DMXL1: variants seen among roughly 807,000 people sequenced by gnomAD.
DMXL1 encodes the protein dmX-like protein 1.
In DMXL1, 99 loss-of-function variants were observed where a neutral mutation model predicts 319.2. The ratio of observed to expected loss-of-function variants is 0.31; its 90% CI spans 0.26 to 0.37. DMXL1 has a LOEUF of 0.37. DMXL1 is among the 10% of genes least tolerant of loss of function. The probability of loss-of-function intolerance (pLI) is 1.00; values close to 1 mark genes in which losing one functional copy is unlikely to be tolerated. For missense variants in DMXL1, 3,745 were observed against 3,595.6 expected (o/e 1.04, Z -1.06); for synonymous variants, 1,385 against 1,235.2 (o/e 1.12, Z -2.54).
At chr5:119,132,338 T>A (rs1359592914) in intron 10 of DMXL1, among the ~76,000 whole-genome samples, 1 of 152,192 alleles carries the variant, frequency 6.6e-6, no homozygotes, top group Non-Finnish European at 1.5e-5. Flanking sequence ...ATTGATTTTG[T>A]GTTGTTATAA....
intron 1 of DMXL1, among the ~76,000 whole-genome samples, chr5:119,084,990 C>T (rs1456480311): frequency 6.6e-6 from 1 of 151,864 alleles, no homozygotes; most frequent in African/African-American, 2.4e-5. Context: ...TTTCTTTCAT[C>T]AGAGTTTTAT....
chr5:119,217,534 C>T (rs568072109), intron 35 of DMXL1, among the ~76,000 whole-genome samples: 6 of 152,062 alleles, frequency 3.9e-5, no homozygotes, highest in Non-Finnish European at 8.8e-5. Flanking sequence ...AATCATTTTC[C>T]CCTTCTGTCT....
At chr5:119,229,804 C>G (rs546998236) in intron 38 of DMXL1, among the ~76,000 whole-genome samples, 165 of 152,238 alleles carry the variant, frequency 1.1e-3, no homozygotes, top group Non-Finnish European at 2.0e-3. Context: ...GTCACACCAG[C>G]ATTCTATAGA....
intron 36 of DMXL1, 88 bp from the exon 37 acceptor site, chr5:119,220,852 G>T: frequency 2.7e-6 from 4 of 1,461,434 alleles, no homozygotes; most frequent in South Asian, 2.7e-5. Flanking sequence ...ATTTTAAAGG[G>T]AACTATAAAT....
At chr5:119,202,835 A>G (rs1048430923) in intron 32 of DMXL1, among the ~76,000 whole-genome samples, 4 of 147,538 alleles carry the variant, frequency 2.7e-5, no homozygotes, top group Non-Finnish European at 6.0e-5. Context: ...TGGGCCAAAG[A>G]TTGAGATTCC....
chr5:119,122,370 C>T (rs1762342550), intron 9 of DMXL1, among the ~76,000 whole-genome samples: 1 of 149,586 alleles, frequency 6.7e-6, no homozygotes. Context: ...GGGCTCCTCA[C>T]TTCCCAGTAG....
intron 9 of DMXL1, among the ~76,000 whole-genome samples, chr5:119,121,427 G>A (rs933746712): frequency 2.0e-5 from 3 of 151,906 alleles, no homozygotes; most frequent in African/African-American, 7.3e-5. Flanking sequence ...AGGACCCTGC[G>A]GCCTTCCGCT....
In DMXL1 at chr5:119,116,344, G is replaced by T; in HGVS notation, c.743+8G>T. The stretch of plus-strand genomic sequence containing the variant: ...AAGCAAATATATGCCTAGGTCAGTG[G>T]ATTGGTCATTTCCCTCCACATATTA... On this transcript the variant is annotated splice_region_variant and intron_variant, in intron 7 of 43. Transcript: ENST00000539542. The T allele has an allele frequency of 1.9e-6, 3 of 1,610,812 alleles. No homozygotes were observed. Among genetic ancestry groups the T allele is most frequent in the Non-Finnish European group, 2.5e-6 (3 of 1,178,182 alleles).
rs1769350745 is a variant in DMXL1, at chr5:119,149,724, A to G, written c.3897A>G (p.Ala1299=). 6.2e-7 allele frequency: 1 copy of G among 1,614,018 alleles called. No homozygotes were observed. The highest frequency in any genetic ancestry group is 8.5e-7 in the Non-Finnish European group (1 of 1,179,936). Residue 1299 remains alanine (A), a synonymous_variant, in exon 18 of 44, where the codon GCA becomes GCG. Transcript: ENST00000539542. ...LAQKICGKKT[A]FDPSVDMEDS... ...AGAAAATCTGTGGAAAGAAAACTGC[A>G]TTCGATCCTTCAGTGGATATGGAAG...
rs542504896 is a variant in DMXL1, at chr5:119,080,313, C to A, written c.87+8657C>A. On this transcript the variant is annotated intron_variant, in intron 1 of 43. Coordinates refer to ENST00000539542, the MANE Select transcript of DMXL1 (RefSeq NM_001290321.3). ...AGTGAGCCAAGATTGTCTCGCTGCA[C>A]TCCATCCTGGGCGACAGAGCAAGAC... Among the ~76,000 whole-genome samples, 3 of 152,282 alleles carry A rather than the reference C, an allele frequency of 2.0e-5. No individual in the cohort carries two copies. In the South Asian group the frequency reaches 6.2e-4, roughly 32 times the overall value.
At chr5:119,157,658 C>T (rs1312533728) in intron 19 of DMXL1, among the ~76,000 whole-genome samples, 1 of 152,122 alleles carries the variant, frequency 6.6e-6, no homozygotes, top group Non-Finnish European at 1.5e-5. Context: ...TCCGTGCCTT[C>T]TATTCTGTTC....
intron 32 of DMXL1, among the ~76,000 whole-genome samples, chr5:119,202,763 A>C (rs1780938504): frequency 6.6e-6 from 1 of 150,926 alleles, no homozygotes; most frequent in Non-Finnish European, 1.5e-5. Flanking sequence ...AGGCAGGAGA[A>C]TCGCTTGAAC....
rs547815282 is a variant in DMXL1 at position 119,227,732 on chromosome 5, G to C, written c.8338+2963G>C. ...AATATGATATATGAGTCAAAGCCTT[G>C]GTAATACGACCGATGTTTCCAATTA... On this transcript the variant is annotated intron_variant, in intron 38 of 43. Transcript: ENST00000539542. 4.6e-5 allele frequency among the ~76,000 whole-genome samples: 7 copies of C among 152,128 alleles called. No homozygotes were observed. In the East Asian group the frequency reaches 7.7e-4, roughly 17 times the overall value.
At chr5:119,203,906 C>G (rs955510584) in intron 33 of DMXL1, among the ~76,000 whole-genome samples, 1 of 151,938 alleles carries the variant, frequency 6.6e-6, no homozygotes, top group South Asian at 2.1e-4. Flanking sequence ...CTGCAAGCTC[C>G]GCACCTCCCA....
At chr5:119,195,296 C>A (rs575406880) in intron 30 of DMXL1, among the ~76,000 whole-genome samples, 1 of 152,224 alleles carries the variant, frequency 6.6e-6, no homozygotes, top group African/African-American at 2.4e-5. Context: ...TTTGTACTTC[C>A]CATGTTCTTA....
intron 2 of DMXL1, among the ~76,000 whole-genome samples, chr5:119,100,334 G>A (rs1756964452): frequency 6.6e-6 from 1 of 151,652 alleles, no homozygotes; most frequent in African/African-American, 2.4e-5. Flanking sequence ...TACTCAGGAG[G>A]CTGAGGCAGG....
chr5:119,087,043 T>A (rs1753531531), intron 1 of DMXL1, among the ~76,000 whole-genome samples: 1 of 152,108 alleles, frequency 6.6e-6, no homozygotes, highest in Admixed American at 6.5e-5. Context: ...TGTTTTGTCT[T>A]CTATTTAATT....
At chr5:119,185,493 C>A (rs891729599) in intron 28 of DMXL1, among the ~76,000 whole-genome samples, 1 of 151,778 alleles carries the variant, frequency 6.6e-6, no homozygotes, top group African/African-American at 2.4e-5. Flanking sequence ...ATCTTCCAGA[C>A]TTTTTTTGTT....
At position 119,171,298 on chromosome 5, in the gene DMXL1, T is replaced by A; in HGVS notation, c.6489+18T>A. The A allele has an allele frequency of 6.4e-7, 1 of 1,556,494 alleles. No individual in the cohort carries two copies. The highest frequency in any genetic ancestry group is 2.0e-5 in the Admixed American group (1 of 49,176). On this transcript the variant is annotated intron_variant, in intron 24 of 43. Coordinates refer to ENST00000539542, the MANE Select transcript of DMXL1 (RefSeq NM_001290321.3). ...CTCAGCAGGTATGTAATTTACTTGA[T>A]AGTCAAAAATGGTACATGTCTAAAA...
Sources: gnomAD v4.1 joint callset for allele counts (sites outside exome capture counted in the v4.1 genomes callset) on GRCh38, gnomAD v4.1.1 for gene constraint, MANE v1.5 for transcripts, NCBI Gene and HGNC (gene_info 2026-07-23, HGNC 2026-07-21) for gene names.